Variants in EXOC4 observed in about 807,000 individuals in gnomAD.
EXOC4 encodes SEC8-like 1.
A neutral mutation model predicts 107.2 loss-of-function variants in EXOC4; 71 were observed. That is an observed-to-expected ratio of 0.66 (90% CI 0.55 to 0.81). The LOEUF is 0.81. Ranked by LOEUF, EXOC4 falls within the 30% of genes least tolerant of loss-of-function variation. EXOC4 has a pLI of 0.00. For missense variants in EXOC4, 1,108 were observed against 1,189.6 expected, an observed-to-expected ratio of 0.93 and a Z score of 1.01; for synonymous variants, 456 against 441.2, an observed-to-expected ratio of 1.03 and a Z score of -0.42.
At chr7:134,013,795 AT>A (rs1227500986) in intron 17 of EXOC4, among the ~76,000 whole-genome samples, 1 of 152,200 alleles carries the variant, frequency 6.6e-6, no homozygotes, top group African/African-American at 2.4e-5. Flanking sequence ...GCTCAAATTC[AT>A]TTGTTATTAG....
At chr7:133,799,834 C>T (rs1273371920) in intron 10 of EXOC4, among the ~76,000 whole-genome samples, 2 of 152,122 alleles carry the variant, frequency 1.3e-5, no homozygotes, top group Admixed American at 6.5e-5. Flanking sequence ...AAGGTATGGA[C>T]TAGAGTTAGA....
At chr7:133,523,040 A>G (rs1800008905) in intron 9 of EXOC4, among the ~76,000 whole-genome samples, 1 of 152,202 alleles carries the variant, frequency 6.6e-6, no homozygotes. Flanking sequence ...CCAGTAAGAA[A>G]TACATCGAAA....
At chr7:133,447,733 T>G (rs1183703024) in intron 7 of EXOC4, among the ~76,000 whole-genome samples, 1 of 152,102 alleles carries the variant, frequency 6.6e-6, no homozygotes, top group East Asian at 1.9e-4. Context: ...TTTTTAACCT[T>G]CATTTATATT....
intron 9 of EXOC4, chr7:133,484,240 A>G: frequency 2.2e-6 from 3 of 1,390,398 alleles, no homozygotes; most frequent in Non-Finnish European, 2.8e-6. Context: ...ATAGGCTCTA[A>G]CTGTTATGGT....
intron 9 of EXOC4, among the ~76,000 whole-genome samples, chr7:133,557,929 T>G (rs1307147200): frequency 6.6e-6 from 1 of 152,290 alleles, no homozygotes; most frequent in Admixed American, 6.5e-5. Flanking sequence ...AGGCGGAGGT[T>G]GCAGTGAGCC....
At chr7:133,599,507 C>T (rs1401212449) in intron 9 of EXOC4, among the ~76,000 whole-genome samples, 2 of 152,178 alleles carry the variant, frequency 1.3e-5, no homozygotes, top group Non-Finnish European at 2.9e-5. Context: ...GGCTGTTTAA[C>T]AGAAGATGAC....
At chr7:134,062,983 G>A (rs1038782858) in intron 17 of EXOC4, among the ~76,000 whole-genome samples, 14 of 152,206 alleles carry the variant, frequency 9.2e-5, no homozygotes, top group African/African-American at 3.4e-4. Flanking sequence ...TGTAACCAAT[G>A]CCCTGCCAGA....
chr7:133,371,759 A>T (rs1365871474), intron 6 of EXOC4, among the ~76,000 whole-genome samples: 1 of 152,248 alleles, frequency 6.6e-6, no homozygotes, highest in Admixed American at 6.5e-5. Flanking sequence ...CTAGGAATGG[A>T]ATCACTGGCT....
chr7:133,486,806 G>C (rs936005443), intron 9 of EXOC4, among the ~76,000 whole-genome samples: 3 of 151,740 alleles, frequency 2.0e-5, no homozygotes, highest in Admixed American at 6.6e-5. Flanking sequence ...TTATATGTAA[G>C]ATTTGTCTTA....
At chr7:133,907,537 G>A (rs1261047290) in intron 12 of EXOC4, among the ~76,000 whole-genome samples, 1 of 152,104 alleles carries the variant, frequency 6.6e-6, no homozygotes, top group African/African-American at 2.4e-5. Context: ...TTACTGGTTA[G>A]AAATCACTGA....
At chr7:134,036,664 A>G (rs543962183) in intron 17 of EXOC4, among the ~76,000 whole-genome samples, 1 of 152,358 alleles carries the variant, frequency 6.6e-6, no homozygotes, top group South Asian at 2.1e-4. Context: ...TATATAATTC[A>G]TAGATTCTAG....
intron 7 of EXOC4, among the ~76,000 whole-genome samples, chr7:133,451,915 C>T (rs1250669769): frequency 1.3e-5 from 2 of 152,120 alleles, no homozygotes; most frequent in African/African-American, 2.4e-5. Context: ...TACAGAGAAA[C>T]CTGTTGCCTT....
intron 13 of EXOC4, among the ~76,000 whole-genome samples, chr7:133,934,848 T>C (rs570967241): frequency 3.9e-5 from 6 of 152,020 alleles, no homozygotes; most frequent in Non-Finnish European, 8.8e-5. Flanking sequence ...AAATGTCTTC[T>C]GGGCTCAAAT....
At chr7:133,946,985 C>G (rs1299328658) in intron 14 of EXOC4, among the ~76,000 whole-genome samples, 1 of 152,148 alleles carries the variant, frequency 6.6e-6, no homozygotes, top group Non-Finnish European at 1.5e-5. Flanking sequence ...CATTCTTATT[C>G]CTTAGTCTAG....
At chr7:134,034,981 GAC>G (rs1795353882) in intron 17 of EXOC4, among the ~76,000 whole-genome samples, 1 of 151,838 alleles carries the variant, frequency 6.6e-6, no homozygotes, top group South Asian at 2.1e-4. Flanking sequence ...GAAGGTGAGA[GAC>G]AGAAATATGG....
chr7:133,956,935 A>G (rs1413551138), intron 14 of EXOC4, among the ~76,000 whole-genome samples: 1 of 152,182 alleles, frequency 6.6e-6, no homozygotes, highest in Admixed American at 6.5e-5. Context: ...CATGTTTTCT[A>G]TGCATTTCCT....
At chr7:133,981,806 A>T (rs1585298327) in intron 14 of EXOC4, among the ~76,000 whole-genome samples, 2 of 152,224 alleles carry the variant, frequency 1.3e-5, no homozygotes, top group East Asian at 1.9e-4. Context: ...ATGTATGCAA[A>T]TGTTGACTGC....
At chr7:133,869,171 C>T (rs1207847012) in intron 11 of EXOC4, among the ~76,000 whole-genome samples, 1 of 152,022 alleles carries the variant, frequency 6.6e-6, no homozygotes, top group Non-Finnish European at 1.5e-5. Context: ...CTGTGGGCAG[C>T]TGAATTCCTG....
intron 14 of EXOC4, among the ~76,000 whole-genome samples, chr7:133,983,644 G>A (rs1477506415): frequency 1.3e-5 from 2 of 152,134 alleles, no homozygotes; most frequent in Admixed American, 1.3e-4. Flanking sequence ...TGAACACATA[G>A]ACAAATGTTA....
Sources: gnomAD v4.1 joint callset for allele counts (sites outside exome capture counted in the v4.1 genomes callset) on GRCh38, gnomAD v4.1.1 for gene constraint, MANE v1.5 for transcripts, NCBI Gene and HGNC (gene_info 2026-07-23, HGNC 2026-07-21) for gene names.